FAM83B: variants seen among roughly 807,000 people sequenced by gnomAD.
FAM83B encodes the protein protein FAM83B.
FAM83B carries 26 observed loss-of-function variants against 38.8 expected under a neutral mutation model. The ratio of observed to expected loss-of-function variants is 0.67; its 90% CI spans 0.49 to 0.93. The LOEUF is 0.93. FAM83B is among the 40% of genes least tolerant of loss of function. The pLI is 0.00. For synonymous variants in FAM83B, 419 were observed against 423.1 expected (o/e 0.99, Z 0.12); for missense variants, 1,237 against 1,197.3 (o/e 1.03, Z -0.49).
At chr6:54,849,875 T>A (rs1317400081) in intron 1 of FAM83B, among the ~76,000 whole-genome samples, 2 of 151,884 alleles carry the variant, frequency 1.3e-5, no homozygotes, top group African/African-American at 2.4e-5. Context: ...TGACATAGAG[T>A]CAGGTGTAGT....
At chr6:54,885,793 A>G (rs1772260158) in intron 2 of FAM83B, among the ~76,000 whole-genome samples, 1 of 144,608 alleles carries the variant, frequency 6.9e-6, no homozygotes, top group Admixed American at 6.9e-5. Context: ...CAGGAAGGGG[A>G]ACATCACACA....
At chr6:54,856,018 T>C (rs970099750) in intron 1 of FAM83B, among the ~76,000 whole-genome samples, 8 of 152,304 alleles carry the variant, frequency 5.3e-5, no homozygotes, top group Non-Finnish European at 1.0e-4. Context: ...TCAATGATGA[T>C]TCCATGGAAA....
intron 2 of FAM83B, among the ~76,000 whole-genome samples, chr6:54,898,581 T>C (rs2127581792): frequency 6.6e-6 from 1 of 152,294 alleles, no homozygotes; most frequent in East Asian, 1.9e-4. Context: ...GAACTCCTTA[T>C]CTCTACTCTG....
chr6:54,855,988 G>A (rs1166678400), intron 1 of FAM83B, among the ~76,000 whole-genome samples: 1 of 152,192 alleles, frequency 6.6e-6, no homozygotes, highest in African/African-American at 2.4e-5. Flanking sequence ...TGAAAGAGAA[G>A]AAAGGTATAG....
At chr6:54,937,660 A>T (rs1289465562) in intron 4 of FAM83B, among the ~76,000 whole-genome samples, 1 of 152,082 alleles carries the variant, frequency 6.6e-6, no homozygotes, top group African/African-American at 2.4e-5. Context: ...TGTAGCTATT[A>T]TGCTGTCCGT....
chr6:54,851,386 C>T (rs12210299), intron 1 of FAM83B, among the ~76,000 whole-genome samples: 104,452 of 151,752 alleles, frequency 0.69, 37,714 homozygotes, highest in African/African-American at 0.89. Flanking sequence ...TCTTCTTTCT[C>T]ATCTCCCATT....
chr6:54,861,505 C>G lies in FAM83B; in HGVS notation c.-60-8682C>G, dbSNP rs571482155. On this transcript the variant is annotated intron_variant, in intron 1 of 4. Coordinates refer to ENST00000306858, the MANE Select transcript of FAM83B (RefSeq NM_001010872.3). Reference sequence around the variant, plus strand: ...CCAGGAGGTGGAGGTTGCACTGAGCCAAGATTGTGACACTGCTGACAGAGG... The same window carrying G: ...CCAGGAGGTGGAGGTTGCACTGAGCGAAGATTGTGACACTGCTGACAGAGG... 7.1e-3 allele frequency among the ~76,000 whole-genome samples: 1,086 copies of G among 152,186 alleles called. 12 individuals are homozygous for G. The highest frequency in any genetic ancestry group is 0.025 in the African/African-American group (1,053 of 41,520).
chr6:54,940,207 A>T lies in FAM83B; in HGVS notation c.1236A>T (p.Pro412=). 6.2e-7 allele frequency: 1 copy of T among 1,613,932 alleles called. No individual in the cohort carries two copies. The highest frequency in any genetic ancestry group is 2.2e-5 in the East Asian group (1 of 44,866). Residue 412 remains proline (P), a synonymous_variant, in exon 5 of 5, where the codon CCA becomes CCT. Transcript: ENST00000306858. ...GGGCTCTGAATAGAACCAATAATCC[A>T]CCTGGTAATTGGAAAAAGCCATCTG... The part of the protein sequence containing the change: ...LNRALNRTNN[P]PGNWKKPSDS...
chr6:54,912,251 G>C (rs1247893682), intron 2 of FAM83B, among the ~76,000 whole-genome samples: 1 of 151,840 alleles, frequency 6.6e-6, no homozygotes, highest in Non-Finnish European at 1.5e-5. Context: ...AGTAAATGTG[G>C]TTGTTTTAGC....
At position 54,940,403 on chromosome 6, in the gene FAM83B, C is replaced by A; in HGVS notation, c.1432C>A (p.Gln478Lys). The change falls in exon 5 of 5, where the codon CAA becomes AAA. Residue 478 changes from glutamine to lysine, a missense_variant. Gln to Lys is a moderately conservative substitution (Grantham distance 53). Coordinates refer to ENST00000306858, the MANE Select transcript of FAM83B (RefSeq NM_001010872.3). ...GACAGATAACCATATCCGCTTTTTG[C>A]AACAACGAATGCCAACCCTTGAACA... is the stretch of plus-strand genomic sequence containing the variant. ...NGTDNHIRFL[Q>K]QRMPTLEHTT... The A allele has an allele frequency of 1.2e-6, 2 of 1,613,992 alleles. No individual in the cohort carries two copies. The highest frequency in any genetic ancestry group is 1.7e-6 in the Non-Finnish European group (2 of 1,179,982).
chr6:54,877,397 A>T (rs1422485565), intron 2 of FAM83B, among the ~76,000 whole-genome samples: 1 of 152,226 alleles, frequency 6.6e-6, no homozygotes, highest in Admixed American at 6.5e-5. Context: ...TTTTGAGATG[A>T]TGAGTGCTGA....
chr6:54,875,873 G>A (rs1771980816), intron 2 of FAM83B, among the ~76,000 whole-genome samples: 1 of 152,158 alleles, frequency 6.6e-6, no homozygotes. Context: ...GCAGTACTCT[G>A]TCTTTAACAA....
intron 1 of FAM83B, among the ~76,000 whole-genome samples, chr6:54,860,079 T>G (rs577910425): frequency 6.6e-6 from 1 of 152,112 alleles, no homozygotes; most frequent in Non-Finnish European, 1.5e-5. Context: ...GTTTTCCTTT[T>G]GTTTTTGGGT....
At chr6:54,860,966 A>G (rs1422344021) in intron 1 of FAM83B, among the ~76,000 whole-genome samples, 5 of 152,136 alleles carry the variant, frequency 3.3e-5, no homozygotes, top group Non-Finnish European at 5.9e-5. Flanking sequence ...ACTTGAGGAT[A>G]TTGTGGTTGT....
intron 2 of FAM83B, among the ~76,000 whole-genome samples, chr6:54,907,315 T>C (rs551421284): frequency 1.3e-5 from 2 of 152,312 alleles, no homozygotes; most frequent in Non-Finnish European, 2.9e-5. Context: ...TTGTTTTATT[T>C]ACATATCTCA....
chr6:54,882,611 A>G (rs1185728262), intron 2 of FAM83B, among the ~76,000 whole-genome samples: 1 of 152,100 alleles, frequency 6.6e-6, no homozygotes, highest in Admixed American at 6.6e-5. Context: ...TTGTTCCAGT[A>G]TTATTGCATT....
In FAM83B at chr6:54,940,921, T is replaced by A. The variant is rs768624463; in HGVS notation, c.1950T>A (p.Asn650Lys). Reference protein sequence around the residue: ...KTLGVNKQTENLKNQQTENLL... With the variant: ...KTLGVNKQTEKLKNQQTENLL... ...TGGGTGTAAATAAGCAGACAGAAAA[T>A]CTAAAGAATCAACAGACTGAGAATC... Residue 650 changes from asparagine (N) to lysine (K), a missense_variant, in exon 5 of 5, where the codon AAT (asparagine) becomes AAA (lysine). Transcript: ENST00000306858. 3 of 1,613,072 alleles carry A rather than the reference T, an allele frequency of 1.9e-6. No homozygotes were observed. The highest frequency in any genetic ancestry group is 2.5e-6 in the Non-Finnish European group (3 of 1,179,812).
intron 2 of FAM83B, among the ~76,000 whole-genome samples, chr6:54,903,724 T>C (rs1022353063): frequency 6.6e-6 from 1 of 152,130 alleles, no homozygotes; most frequent in East Asian, 1.9e-4. Flanking sequence ...TCATTCTTTA[T>C]TTTTTTCTAC....
chr6:54,929,615 A>C (rs960287820), intron 4 of FAM83B, among the ~76,000 whole-genome samples: 2 of 152,160 alleles, frequency 1.3e-5, no homozygotes, highest in Non-Finnish European at 2.9e-5. Flanking sequence ...AGTTACTTTC[A>C]AAAGACAAAT....
Sources: allele counts gnomAD v4.1 joint callset (sites outside exome capture counted in the v4.1 genomes callset), GRCh38; gene constraint gnomAD v4.1.1; transcripts MANE v1.5; gene names NCBI Gene and HGNC (gene_info 2026-07-23, HGNC 2026-07-21).